Variants in RAB19 observed in about 807,000 individuals in gnomAD.
The protein encoded by RAB19 is RAB19, member RAS oncogene family.
Under a neutral mutation model 17.3 loss-of-function variants are expected in RAB19, and 21 were observed. That is an observed-to-expected ratio of 1.21 (90% confidence interval 0.86 to 1.74). The LOEUF (loss-of-function observed/expected upper bound fraction) is 1.74. Ranked by LOEUF, RAB19 falls within the 40% of genes most tolerant of loss-of-function variation. RAB19 has a pLI of 0.00. For missense variants in RAB19, 277 were observed against 286.8 expected, an observed-to-expected ratio of 0.97 and a Z score of 0.25; for synonymous variants, 126 against 110.4, an observed-to-expected ratio of 1.14 and a Z score of -0.88.
chr7:140,424,159 ATT>A (rs201170019), intron 3 of RAB19, among the ~76,000 whole-genome samples: 51 of 118,746 alleles, frequency 4.3e-4, no homozygotes, highest in Admixed American at 5.5e-4. Context: ...CTGGCTGATA[ATT>A]TTTTTTTTTT....
chr7:140,419,610 A>G (rs1799522824), intron 3 of RAB19, among the ~76,000 whole-genome samples: 1 of 152,172 alleles, frequency 6.6e-6, no homozygotes, highest in South Asian at 2.1e-4. Context: ...TGCTGCTCCG[A>G]ACATTCTGGT....
At position 140,422,528 on chromosome 7, in the gene RAB19, T is replaced by C. The variant is rs560939887; in HGVS notation, c.386-3354T>C. ...CATGCTCTTGGGAGTGAAAATATCCTCAATATTACAATGGTTTATGGCCCT... is the reference window on the plus strand; with the variant it reads ...CATGCTCTTGGGAGTGAAAATATCCCCAATATTACAATGGTTTATGGCCCT... On this transcript the variant is annotated intron_variant, in intron 3 of 3. Transcript: ENST00000537763. Among the ~76,000 whole-genome samples the C allele has an allele frequency of 1.1e-4, 16 of 152,190 alleles. No homozygotes were observed. In the South Asian group the frequency reaches 3.1e-3, roughly 30 times the overall value.
At chr7:140,422,971 G>A (rs1799588925) in intron 3 of RAB19, among the ~76,000 whole-genome samples, 1 of 151,940 alleles carries the variant, frequency 6.6e-6, no homozygotes, top group Non-Finnish European at 1.5e-5. Flanking sequence ...AGCCAGGCAT[G>A]GTGGTGTATG....
intron 2 of RAB19, among the ~76,000 whole-genome samples, chr7:140,408,376 G>A (rs1419622468): frequency 6.6e-6 from 1 of 151,866 alleles, no homozygotes; most frequent in Non-Finnish European, 1.5e-5. Context: ...AAATACTGCT[G>A]AATCTAACTG....
chr7:140,406,097 G>A (rs1008265025), intron 1 of RAB19, among the ~76,000 whole-genome samples: 1 of 151,726 alleles, frequency 6.6e-6, no homozygotes, highest in African/African-American at 2.4e-5. Flanking sequence ...ACAAAAATTA[G>A]CCAGGCGTGG....
chr7:140,415,614 A>G (rs936297540), intron 3 of RAB19, among the ~76,000 whole-genome samples: 1 of 152,180 alleles, frequency 6.6e-6, no homozygotes, highest in Non-Finnish European at 1.5e-5. Flanking sequence ...ATACATTACT[A>G]TTTATGCAGT....
At chr7:140,410,441 C>T (rs1054898341) in intron 2 of RAB19, among the ~76,000 whole-genome samples, 3 of 149,126 alleles carry the variant, frequency 2.0e-5, no homozygotes, top group African/African-American at 7.4e-5. Context: ...ATTCTCCTGC[C>T]TCAGCCTCCC....
chr7:140,404,527 G>A (rs988887744), intron 1 of RAB19: 1 of 152,210 alleles, frequency 6.6e-6, no homozygotes, highest in Non-Finnish European at 1.5e-5. Flanking sequence ...TTTCAGAGAG[G>A]TCCAAGAGAG....
chr7:140,413,586 A>T lies in RAB19; in HGVS notation c.385+1529A>T, dbSNP rs111580645. Among the ~76,000 whole-genome samples, 401 of 152,166 alleles carry T rather than the reference A, an allele frequency of 2.6e-3. 3 individuals carry two copies. Among genetic ancestry groups the T allele is most frequent in the Non-Finnish European group, 4.4e-3 (296 of 68,002 alleles). ...TGTGGTGGCACAGGCCTATAGTCCC[A>T]GCTACTTGAGAGGTTGGGGTGGGGG... On this transcript the variant is annotated intron_variant, in intron 3 of 3. Coordinates refer to ENST00000537763, the MANE Select transcript of RAB19 (RefSeq NM_001008749.3).
rs74223547 is a variant in RAB19, at chr7:140,411,029, A to G, written c.202-845A>G. The stretch of plus-strand genomic sequence containing the variant: ...GTATTCAGATCCACGGGCAGACTCA[A>G]AAGATGAGCCCCCAAATCTGGACCA... On this transcript the variant is annotated intron_variant, in intron 2 of 3. Coordinates refer to ENST00000537763, the MANE Select transcript of RAB19 (RefSeq NM_001008749.3). 541 of 1,367,822 alleles carry G rather than the reference A, an allele frequency of 4.0e-4. 8 individuals are homozygous for G. The East Asian group carries it at 0.023, about 58-fold the overall frequency. The allele number at this position is 1,367,822 out of a possible 1,614,324, so 84.7% of individuals were successfully genotyped here. A position where few individuals can be genotyped will look rare whatever the true frequency, so the allele number is the denominator to read the frequency against.
In RAB19 at chr7:140,404,212, AGACAGGTAAGC is replaced by A. The variant is rs1194980232; in HGVS notation, c.-24+3_-24+13del. The A allele has an allele frequency of 3.3e-5, 5 of 152,448 alleles. No homozygotes were observed. The East Asian group carries it at 5.8e-4, about 18-fold the overall frequency. 9.4% of individuals were successfully genotyped at this position (152,448 alleles called of 1,614,324 possible). The stretch of plus-strand genomic sequence containing the variant: ...GCTGACCAGCAGAGGTGAGAGAGCG[AGACAGGTAAGC>A]GACAGGTGAACCAGGAAGGCGAAGG... On this transcript the variant is annotated splice_donor_variant and splice_donor_5th_base_variant and 5_prime_UTR_variant and intron_variant, in exon 1 of 4. Transcript: ENST00000537763. LOFTEE classifies it low-confidence loss of function (5UTR_SPLICE).
intron 3 of RAB19, among the ~76,000 whole-genome samples, chr7:140,417,276 C>T (rs1799477956): frequency 6.6e-6 from 1 of 151,592 alleles, no homozygotes; most frequent in South Asian, 2.1e-4. Context: ...GTGGTGTACG[C>T]CTATAGTCTC....
chr7:140,421,064 C>T (rs537127523), intron 3 of RAB19, among the ~76,000 whole-genome samples: 20 of 151,486 alleles, frequency 1.3e-4, no homozygotes, highest in Admixed American at 7.9e-4. Context: ...AGCTAATTTT[C>T]GTATTTTTAA....
At chr7:140,404,600 G>A (rs1799202058) in intron 1 of RAB19, among the ~76,000 whole-genome samples, 1 of 150,244 alleles carries the variant, frequency 6.7e-6, no homozygotes, top group African/African-American at 2.5e-5. Context: ...GGACATTTGA[G>A]TGCATTTTAC....
At chr7:140,421,232 C>T (rs1024923963) in intron 3 of RAB19, among the ~76,000 whole-genome samples, 3 of 152,042 alleles carry the variant, frequency 2.0e-5, no homozygotes, top group African/African-American at 7.2e-5. Context: ...AACTCTGTCA[C>T]CCAGGCTGGA....
In RAB19 at chr7:140,425,890, T is replaced by C. The variant is rs774254709; in HGVS notation, c.394T>C (p.Cys132Arg). The change falls in exon 4 of 4, where the codon TGT (cysteine) becomes CGT (arginine). Residue 132 changes from cysteine (C) to arginine (R), a missense_variant. Physicochemically the swap from Cys to Arg is radical, Grantham distance 180. Transcript: ENST00000537763. ...TTATCTTTTCCTTCCAGGAAATAAA[T>C]GTGACCTCTGGGAAAAGCGGCACGT... ...NVVIMLIGNK[C>R]DLWEKRHVLF... 2 of 1,607,616 alleles carry C rather than the reference T, an allele frequency of 1.2e-6. No homozygotes were observed. Among genetic ancestry groups the C allele is most frequent in the Non-Finnish European group, 8.5e-7 (1 of 1,175,900 alleles).
chr7:140,416,171 C>T (rs536527868), intron 3 of RAB19, among the ~76,000 whole-genome samples: 4 of 151,890 alleles, frequency 2.6e-5, no homozygotes, highest in Non-Finnish European at 2.9e-5. Flanking sequence ...GGAGAAACCC[C>T]GTCTCTACTA....
chr7:140,411,924 A>G lies in RAB19; in HGVS notation c.252A>G (p.Gln84=). ...AGQERFRTIT[Q]SYYRSAHAAI... is the part of the protein sequence containing the mutation. ...AGGAGCGCTTCCGCACCATCACCCA[A>G]AGCTACTACCGCAGTGCCCACGCAG... is the stretch of plus-strand genomic sequence containing the variant. The change falls in exon 3 of 4, where the codon CAA becomes CAG. Residue 84 remains glutamine (Q), a synonymous_variant. Coordinates refer to ENST00000537763, the MANE Select transcript of RAB19 (RefSeq NM_001008749.3). 6.2e-7 allele frequency: 1 copy of G among 1,614,134 alleles called. No homozygotes were observed. Among genetic ancestry groups the G allele is most frequent in the Non-Finnish European group, 8.5e-7 (1 of 1,180,016 alleles).
rs1799374031 is a variant in RAB19 at position 140,411,990 on chromosome 7, G to C, written c.318G>C (p.Glu106Asp). 6.2e-7 allele frequency: 1 copy of C among 1,614,152 alleles called. No homozygotes were observed. Among genetic ancestry groups the C allele is most frequent in the Non-Finnish European group, 8.5e-7 (1 of 1,180,040 alleles). ...AYDLTRRSTF[E>D]SIPHWIHEIE... ...ACCTCACCCGGCGGTCCACGTTCGA[G>C]TCCATCCCTCACTGGATTCATGAGA... The change falls in exon 3 of 4, where the codon GAG (glutamate) becomes GAC (aspartate). Residue 106 changes from glutamate to aspartate, a missense_variant. Coordinates refer to ENST00000537763, the MANE Select transcript of RAB19 (RefSeq NM_001008749.3).
Sources: allele counts gnomAD v4.1 joint callset (sites outside exome capture counted in the v4.1 genomes callset), GRCh38; gene constraint gnomAD v4.1.1; transcripts MANE v1.5; gene names NCBI Gene and HGNC (gene_info 2026-07-23, HGNC 2026-07-21).